Variants in SLC4A10 observed in about 807,000 individuals in gnomAD.
SLC4A10 encodes sodium-driven chloride bicarbonate exchanger.
Under a neutral mutation model 137.7 loss-of-function variants are expected in SLC4A10, and 42 were observed. The ratio of observed to expected loss-of-function variants is 0.30; its 90% confidence interval spans 0.24 to 0.39. The LOEUF (loss-of-function observed/expected upper bound fraction) is 0.39. Among genes scored for constraint, SLC4A10 ranks in the 10% least tolerant of loss-of-function variants. The pLI is 1.00. For synonymous variants in SLC4A10, 474 were observed against 464.1 expected (o/e 1.02, Z -0.27); for missense variants, 925 against 1,355.0 (o/e 0.68, Z 4.98).
chr2:161,694,279 A>G (rs1371525257), intron 1 of SLC4A10, among the ~76,000 whole-genome samples: 1 of 152,014 alleles, frequency 6.6e-6, no homozygotes, highest in Non-Finnish European at 1.5e-5. Context: ...GAGACACCTT[A>G]ACTCCCTCAA....
chr2:161,638,795 C>T (rs1304123251), intron 1 of SLC4A10, among the ~76,000 whole-genome samples: 1 of 151,544 alleles, frequency 6.6e-6, no homozygotes, highest in Non-Finnish European at 1.5e-5. Flanking sequence ...AATTTCTTTC[C>T]TAAATGTTTT....
intron 15 of SLC4A10, among the ~76,000 whole-genome samples, chr2:161,925,831 G>A (rs1415969160): frequency 6.6e-6 from 1 of 152,062 alleles, no homozygotes; most frequent in East Asian, 1.9e-4. Context: ...TTCAGGAGCA[G>A]GTTGTTCAGT....
At chr2:161,955,895 CTT>C (rs998038660) in intron 19 of SLC4A10, among the ~76,000 whole-genome samples, 3 of 152,238 alleles carry the variant, frequency 2.0e-5, no homozygotes, top group Non-Finnish European at 4.4e-5. Context: ...TAAAATTACA[CTT>C]ACTAAATTTG....
At chr2:161,769,355 C>T (rs527572049) in intron 1 of SLC4A10, among the ~76,000 whole-genome samples, 15 of 152,088 alleles carry the variant, frequency 9.9e-5, no homozygotes, top group Admixed American at 1.3e-4. Context: ...TGGAATGTAG[C>T]TCAACTCCTT....
At chr2:161,939,841 A>G (rs1692349010) in intron 15 of SLC4A10, among the ~76,000 whole-genome samples, 2 of 152,138 alleles carry the variant, frequency 1.3e-5, no homozygotes, top group South Asian at 4.1e-4. Flanking sequence ...AAAAATATAG[A>G]AATCTTTATG....
At chr2:161,692,634 C>G (rs1156857800) in intron 1 of SLC4A10, among the ~76,000 whole-genome samples, 1 of 152,032 alleles carries the variant, frequency 6.6e-6, no homozygotes. Flanking sequence ...GAAATGTCAG[C>G]AGCTAGGACA....
chr2:161,711,287 T>C (rs1007270699), intron 1 of SLC4A10, among the ~76,000 whole-genome samples: 3 of 151,840 alleles, frequency 2.0e-5, no homozygotes, highest in African/African-American at 7.2e-5. Context: ...ATCAATCCTG[T>C]CTAATTCCAG....
chr2:161,720,905 C>T (rs1224294730), intron 1 of SLC4A10, among the ~76,000 whole-genome samples: 2 of 151,862 alleles, frequency 1.3e-5, no homozygotes, highest in African/African-American at 4.8e-5. Flanking sequence ...ATCTTGGTCA[C>T]TGCAACCTCT....
intron 15 of SLC4A10, among the ~76,000 whole-genome samples, chr2:161,929,524 C>G (rs548418479): frequency 7.5e-4 from 114 of 152,298 alleles, no homozygotes; most frequent in African/African-American, 2.7e-3. Context: ...TTACATGCAC[C>G]TAAGCTAGGG....
chr2:161,862,290 G>A (rs2060476306), intron 5 of SLC4A10, among the ~76,000 whole-genome samples: 1 of 152,180 alleles, frequency 6.6e-6, no homozygotes, highest in Non-Finnish European at 1.5e-5. Context: ...ATATGAAACA[G>A]AATTGTTTAC....
intron 3 of SLC4A10, among the ~76,000 whole-genome samples, chr2:161,828,035 C>G (rs557058480): frequency 6.6e-6 from 1 of 152,280 alleles, no homozygotes; most frequent in South Asian, 2.1e-4. Context: ...CCTGGGTTTA[C>G]TCTGACTTTG....
intron 3 of SLC4A10, among the ~76,000 whole-genome samples, chr2:161,836,730 C>T (rs2125774863): frequency 6.7e-6 from 1 of 149,684 alleles, no homozygotes; most frequent in South Asian, 2.1e-4. Flanking sequence ...AATAAACAAA[C>T]ACCAAAACAA....
chr2:161,696,471 A>T (rs2042519991), intron 1 of SLC4A10, among the ~76,000 whole-genome samples: 3 of 70,590 alleles, frequency 4.2e-5, no homozygotes, highest in Non-Finnish European at 7.7e-5. Context: ...CCACCCCACA[A>T]CAGTCCCCAG....
intron 15 of SLC4A10, among the ~76,000 whole-genome samples, chr2:161,912,409 T>C (rs1328300441): frequency 6.6e-6 from 1 of 152,158 alleles, no homozygotes; most frequent in Non-Finnish European, 1.5e-5. Flanking sequence ...TTCACAATCT[T>C]TGAAGTGCTG....
chr2:161,980,082 AT>A lies in SLC4A10; in HGVS notation c.*26+2324del, dbSNP rs1699999980. ...AAATGGGCTGGTGAAAATAGGGCTC[AT>A]TAACGACCACATTGCATCAGAATAG... On this transcript the variant is annotated intron_variant, in intron 26 of 26. Transcript: ENST00000446997. Among the ~76,000 whole-genome samples, 3 of 152,342 alleles carry A rather than the reference AT, an allele frequency of 2.0e-5. No homozygotes were observed. In the South Asian group the frequency reaches 6.2e-4, roughly 32 times the overall value.
At chr2:161,756,455 A>T (rs926825516) in intron 1 of SLC4A10, among the ~76,000 whole-genome samples, 1 of 152,294 alleles carries the variant, frequency 6.6e-6, no homozygotes. Flanking sequence ...ACTGTAAATT[A>T]TCTGTTGCTT....
At chr2:161,913,362 A>T (rs1295441620) in intron 15 of SLC4A10, among the ~76,000 whole-genome samples, 3 of 152,136 alleles carry the variant, frequency 2.0e-5, no homozygotes, top group African/African-American at 7.2e-5. Flanking sequence ...TTCTTCCAAA[A>T]ATTTACTGGC....
chr2:161,960,363 CAAAAAAAAA>C (rs369670130), intron 21 of SLC4A10, among the ~76,000 whole-genome samples: 1 of 46,034 alleles, frequency 2.2e-5, no homozygotes, highest in South Asian at 9.1e-4. Context: ...GACTCTGTCT[CAAAAAAAAA>C]AAAAAAAAAA....
chr2:161,881,716 A>G (rs2061795948), intron 9 of SLC4A10, among the ~76,000 whole-genome samples: 1 of 151,994 alleles, frequency 6.6e-6, no homozygotes. Context: ...ATTTCTTTAA[A>G]AGCACCACTT....
Sources: gnomAD v4.1 joint callset for allele counts (sites outside exome capture counted in the v4.1 genomes callset) on GRCh38, gnomAD v4.1.1 for gene constraint, MANE v1.5 for transcripts, NCBI Gene and HGNC (gene_info 2026-07-23, HGNC 2026-07-21) for gene names.